Variants in ZNF69 observed in about 807,000 individuals in gnomAD.
The protein encoded by ZNF69 is zinc finger protein 69.
Under a neutral mutation model 50.9 loss-of-function variants are expected in ZNF69, and 47 were observed. The observed-to-expected ratio is 0.92, with a 90% confidence interval of 0.73 to 1.18. ZNF69 has a LOEUF of 1.18. ZNF69 is among the 50% of genes most tolerant of loss of function. The probability of loss-of-function intolerance (pLI) is 0.00; values close to 1 mark genes in which losing one functional copy is unlikely to be tolerated. For synonymous variants in ZNF69, 216 were observed against 223.1 expected (o/e 0.97, Z 0.29); for missense variants, 717 against 675.1 (o/e 1.06, Z -0.69).
the ZNF69 span, chr19:11,977,330 T>C: frequency 1.2e-6 from 2 of 1,610,134 alleles, no homozygotes; most frequent in Non-Finnish European, 1.7e-6. Flanking sequence ...TTTCACAGTT[T>C]TATATTGCTT....
chr19:11,950,037 A>C, the ZNF69 span: 2 of 1,614,056 alleles, frequency 1.2e-6, no homozygotes, highest in Non-Finnish European at 1.7e-6. Context: ...GGAAGCACAG[A>C]GGAGAGAAGC....
chr19:11,939,264 C>T, the ZNF69 span, among the ~76,000 whole-genome samples: 4 of 152,276 alleles, frequency 2.6e-5, no homozygotes, highest in East Asian at 7.7e-4. Context: ...GCTTTTGTTG[C>T]CATTGCTTTT....
chr19:11,901,802 C>G (rs953160829), intron 1 of ZNF69, among the ~76,000 whole-genome samples: 1 of 151,312 alleles, frequency 6.6e-6, no homozygotes, highest in African/African-American at 2.4e-5. Context: ...GATTTGTTAT[C>G]ATTACTTATC....
chr19:11,950,032 C>G, the ZNF69 span: 1 of 1,614,040 alleles, frequency 6.2e-7, no homozygotes, highest in Non-Finnish European at 8.5e-7. Context: ...TGAAAGGAAG[C>G]ACAGAGGAGA....
In ZNF69 at chr19:11,905,568, A is replaced by G. The variant is rs1972352769; in HGVS notation, c.1171A>G (p.Lys391Glu). The G allele has an allele frequency of 6.2e-7, 1 of 1,613,786 alleles. No homozygotes were observed. The highest frequency in any genetic ancestry group is 1.7e-5 in the Admixed American group (1 of 59,982). ...CAGTGGAGAGAAACCCTATAAATGC[A>G]AGCAATGTGGTAAAGCCTTCATTCA... is the stretch of plus-strand genomic sequence containing the variant. ...THSGEKPYKC[K>E]QCGKAFIHSS... is the part of the protein sequence containing the mutation. The change falls in exon 4 of 4, where the codon AAG becomes GAG. Residue 391 changes from lysine to glutamate, a missense_variant. Physicochemically the swap from Lys to Glu is moderately conservative, Grantham distance 56 (BLOSUM62 1). Transcript: ENST00000429654.
the ZNF69 span, among the ~76,000 whole-genome samples, chr19:11,954,786 A>C: frequency 6.6e-6 from 1 of 152,032 alleles, no homozygotes; most frequent in South Asian, 2.1e-4. Flanking sequence ...GTGCCCCTGC[A>C]CTCCAGCCTG....
At chr19:11,917,555 T>G (rs896392156), downstream of ZNF69, among the ~76,000 whole-genome samples, 10 of 152,230 alleles carry the variant, frequency 6.6e-5, no homozygotes, top group African/African-American at 2.4e-4. Context: ...GCTGCCTACC[T>G]GAGCTGCCTC....
chr19:11,947,312 G>C, the ZNF69 span: 1 of 1,613,520 alleles, frequency 6.2e-7, no homozygotes, highest in Non-Finnish European at 8.5e-7. Flanking sequence ...CTATAGGTAA[G>C]GATGACAATA....
the ZNF69 span, among the ~76,000 whole-genome samples, chr19:11,929,589 T>C: frequency 6.7e-6 from 1 of 148,200 alleles, no homozygotes; most frequent in African/African-American, 2.6e-5. Context: ...TTTCTGAGAG[T>C]TGTATTTAAA....
chr19:11,924,368 C>T, the ZNF69 span, among the ~76,000 whole-genome samples: 1 of 145,296 alleles, frequency 6.9e-6, no homozygotes, highest in Admixed American at 7.1e-5. Context: ...GGAGGCGGAG[C>T]TTGCAGTGAG....
downstream of ZNF69, among the ~76,000 whole-genome samples, chr19:11,915,782 T>C (rs2145258605): frequency 6.6e-6 from 1 of 152,282 alleles, no homozygotes; most frequent in East Asian, 1.9e-4. Flanking sequence ...CTCACGCCTG[T>C]AATCCCAGCC....
Position 11,906,169 on chromosome 19 carries a change from T to C in ZNF69, c.*71T>C. Reference sequence around the variant, plus strand: ...ACACACAATCAAGAGAAACCATGAATGTAAAGAATGTGGGAAACCCTTCAG... The same window carrying C: ...ACACACAATCAAGAGAAACCATGAACGTAAAGAATGTGGGAAACCCTTCAG... On this transcript the variant is annotated 3_prime_UTR_variant, in exon 4 of 4. Transcript: ENST00000429654. The C allele has an allele frequency of 6.4e-7, 1 of 1,568,056 alleles. No individual in the cohort carries two copies. Among genetic ancestry groups the C allele is most frequent in the South Asian group, 1.2e-5 (1 of 82,482 alleles).
rs377428287 is a variant in ZNF69, at chr19:11,896,046, C to A, written c.64-7527C>A. On this transcript the variant is annotated intron_variant, in intron 1 of 3. Coordinates refer to ENST00000429654, the MANE Select transcript of ZNF69 (RefSeq NM_001364730.1). Reference sequence around the variant, plus strand: ...ATCAGCCTGACCAATATGGTGAAACCCTGTCACTACTAAAAGTACAAAATT... The same window carrying A: ...ATCAGCCTGACCAATATGGTGAAACACTGTCACTACTAAAAGTACAAAATT... 2.0e-5 allele frequency among the ~76,000 whole-genome samples: 3 copies of A among 151,678 alleles called. No individual in the cohort carries two copies. The East Asian group carries it at 5.8e-4, about 30-fold the overall frequency.
chr19:11,928,573 A>C, the ZNF69 span, among the ~76,000 whole-genome samples: 2 of 149,644 alleles, frequency 1.3e-5, no homozygotes, highest in East Asian at 1.9e-4. Context: ...TCTACTAAAA[A>C]TACAAAAAAT....
At chr19:11,921,448 C>A in the ZNF69 span, among the ~76,000 whole-genome samples, 1 of 152,148 alleles carries the variant, frequency 6.6e-6, no homozygotes, top group Non-Finnish European at 1.5e-5. Context: ...AGATTACAGT[C>A]ATGAACCAAT....
chr19:11,926,922 A>C, the ZNF69 span, among the ~76,000 whole-genome samples: 1 of 152,112 alleles, frequency 6.6e-6, no homozygotes, highest in Admixed American at 6.5e-5. Context: ...TAGACTCAGT[A>C]CTCCAAAACT....
the ZNF69 span, among the ~76,000 whole-genome samples, chr19:11,960,038 C>CG: frequency 2.3e-5 from 3 of 132,188 alleles, no homozygotes; most frequent in Non-Finnish European, 5.0e-5. Flanking sequence ...TTTTTTTTTT[C>CG]TTTTTTTTTT....
At chr19:11,910,907 T>G (rs279225), downstream of ZNF69, among the ~76,000 whole-genome samples, 40,616 of 151,858 alleles carry the variant, frequency 0.27, 5,878 homozygotes, top group African/African-American at 0.33. Context: ...GGGAGAAAAT[T>G]TTTACAATCT....
chr19:11,935,810 A>G, the ZNF69 span, among the ~76,000 whole-genome samples: 1 of 152,174 alleles, frequency 6.6e-6, no homozygotes, highest in Non-Finnish European at 1.5e-5. Context: ...TGCACCCATC[A>G]ACTTGTCATT....
Sources: gnomAD v4.1 joint callset for allele counts (sites outside exome capture counted in the v4.1 genomes callset) on GRCh38, gnomAD v4.1.1 for gene constraint, MANE v1.5 for transcripts, NCBI Gene and HGNC (gene_info 2026-07-23, HGNC 2026-07-21) for gene names.